CELF2: variants seen among roughly 807,000 people sequenced by gnomAD.
CELF2 encodes the protein CUG triplet repeat RNA-binding protein 2.
Under a neutral mutation model 62.6 loss-of-function variants are expected in CELF2, and 8 were observed. That is an observed-to-expected ratio of 0.13 (90% CI 0.07 to 0.23). CELF2 has a LOEUF of 0.23. CELF2 is among the 10% of genes least tolerant of loss of function. The pLI, the probability that CELF2 is intolerant of heterozygous loss-of-function variation, is 1.00. For missense variants in CELF2, 333 were observed against 671.0 expected (o/e 0.50, Z 5.56); for synonymous variants, 258 against 250.0 (o/e 1.03, Z -0.30).
intron 2 of CELF2, among the ~76,000 whole-genome samples, chr10:10,926,608 C>T (rs531765654): frequency 7.2e-4 from 110 of 152,318 alleles, no homozygotes; most frequent in Non-Finnish European, 1.5e-3. Context: ...ACAGCAACTC[C>T]AGCCGTCACG....
chr10:11,161,850 A>T (rs1244432282), intron 1 of CELF2, among the ~76,000 whole-genome samples: 1 of 152,176 alleles, frequency 6.6e-6, no homozygotes, highest in Non-Finnish European at 1.5e-5. Context: ...CTCTTTGAAG[A>T]GCACATTGGC....
At chr10:11,058,983 A>G (rs1004644443) in intron 1 of CELF2, among the ~76,000 whole-genome samples, 3 of 152,120 alleles carry the variant, frequency 2.0e-5, no homozygotes, top group Admixed American at 2.0e-4. Flanking sequence ...GGGTTTCGCC[A>G]TCTTGCGTAG....
chr10:10,610,631 G>C, the CELF2 span, among the ~76,000 whole-genome samples: 1 of 152,100 alleles, frequency 6.6e-6, no homozygotes, highest in Non-Finnish European at 1.5e-5. Flanking sequence ...AAGAAAGCGG[G>C]TTTTCTTTAA....
chr10:10,819,212 C>T (rs1022923467), intron 1 of CELF2, among the ~76,000 whole-genome samples: 2 of 151,942 alleles, frequency 1.3e-5, no homozygotes, highest in Non-Finnish European at 2.9e-5. Context: ...CAAAGTTATC[C>T]TTGCTTTAAT....
At chr10:11,155,902 G>A (rs7096989) in intron 1 of CELF2, among the ~76,000 whole-genome samples, 2,453 of 152,282 alleles carry the variant, frequency 0.016, 56 homozygotes, top group African/African-American at 0.056. Context: ...ACTGAGAAAG[G>A]TAGCCCAAAA....
chr10:11,268,966 T>C lies in CELF2; in HGVS notation c.619-1700T>C, dbSNP rs574369755. ...TGTGTTTCATGGTTTAAAAAATCAT[T>C]TTTAAGCTATAATCATTGGCCTAAT... On this transcript the variant is annotated intron_variant, in intron 6 of 12. Coordinates refer to ENST00000633077, the MANE Select transcript of CELF2 (RefSeq NM_001326342.2). This position sits in a 1 kb window ranked among gnomAD's most constrained non-coding sequence, Gnocchi z 4.7. Among the ~76,000 whole-genome samples, 1 of 152,360 alleles carries C rather than the reference T, an allele frequency of 6.6e-6. No homozygotes were observed. Among genetic ancestry groups the C allele is most frequent in the East Asian group, 1.9e-4 (1 of 5,186 alleles).
At chr10:11,070,967 A>G (rs1476903545) in intron 1 of CELF2, among the ~76,000 whole-genome samples, 2 of 152,230 alleles carry the variant, frequency 1.3e-5, no homozygotes, top group Non-Finnish European at 1.5e-5. Context: ...ATGGAAGGTA[A>G]GAAAAGAAGG....
intron 1 of CELF2, among the ~76,000 whole-genome samples, chr10:11,100,854 T>C (rs186292836): frequency 6.6e-6 from 1 of 152,340 alleles, no homozygotes; most frequent in Non-Finnish European, 1.5e-5. Flanking sequence ...ACCAGCTCTC[T>C]GATTTTCTTC....
At chr10:10,991,079 G>A (rs371879914) in intron 2 of CELF2, among the ~76,000 whole-genome samples, 30 of 152,012 alleles carry the variant, frequency 2.0e-4, no homozygotes, top group Non-Finnish European at 3.8e-4. Context: ...AGAGAAAGCC[G>A]AGTTTGGCGG....
intron 1 of CELF2, among the ~76,000 whole-genome samples, chr10:10,842,040 T>C (rs2058718331): frequency 6.6e-6 from 1 of 152,116 alleles, no homozygotes; most frequent in Non-Finnish European, 1.5e-5. Context: ...TATTTCTCAT[T>C]TTTTTCTGAT....
chr10:10,974,220 T>C (rs2051082275), intron 2 of CELF2, among the ~76,000 whole-genome samples: 1 of 152,214 alleles, frequency 6.6e-6, no homozygotes, highest in Non-Finnish European at 1.5e-5. Flanking sequence ...TAAATGGTGG[T>C]TAATATCATT....
rs536046147 is a variant in CELF2, at chr10:11,039,070, C to T, written c.74+20907C>T. On this transcript the variant is annotated intron_variant, in intron 1 of 12. Coordinates refer to ENST00000633077, the MANE Select transcript of CELF2 (RefSeq NM_001326342.2). The surrounding 1 kb of genome is among the most constrained non-coding windows in gnomAD (Gnocchi z 4.1). ...AGTATCCTGGACAAGTGTGCACACGCGCTTGCATCCACACCACTCTCATGG... is the reference window on the plus strand; with the variant it reads ...AGTATCCTGGACAAGTGTGCACACGTGCTTGCATCCACACCACTCTCATGG... 4.3e-4 allele frequency among the ~76,000 whole-genome samples: 66 copies of T among 152,310 alleles called. No homozygotes were observed. Among genetic ancestry groups the T allele is most frequent in the Non-Finnish European group, 8.1e-4 (55 of 68,024 alleles).
the CELF2 span, among the ~76,000 whole-genome samples, chr10:10,609,115 A>G: frequency 6.6e-6 from 1 of 152,170 alleles, no homozygotes; most frequent in African/African-American, 2.4e-5. Context: ...TAGTGTAGGC[A>G]GTCTTAGTGT....
At chr10:10,964,674 G>C (rs1480913369) in intron 2 of CELF2, among the ~76,000 whole-genome samples, 1 of 152,132 alleles carries the variant, frequency 6.6e-6, no homozygotes, top group Non-Finnish European at 1.5e-5. Context: ...GAAAGAATAA[G>C]AAAACAGATT....
At chr10:10,720,121 C>T in the CELF2 span, among the ~76,000 whole-genome samples, 3 of 152,306 alleles carry the variant, frequency 2.0e-5, no homozygotes, top group Non-Finnish European at 4.4e-5. Context: ...ACTGAGTTGT[C>T]GTCAGAAGCG....
At chr10:10,545,407 A>C in the CELF2 span, among the ~76,000 whole-genome samples, 2 of 152,306 alleles carry the variant, frequency 1.3e-5, no homozygotes, top group African/African-American at 4.8e-5. Flanking sequence ...TCTGCCTACA[A>C]TCAAAAGAAA....
the CELF2 span, among the ~76,000 whole-genome samples, chr10:10,760,456 C>T: frequency 1.3e-5 from 2 of 152,180 alleles, no homozygotes; most frequent in South Asian, 2.1e-4. Context: ...TTCATTTATT[C>T]CCTAAATTAT....
chr10:10,507,870 G>A, the CELF2 span, among the ~76,000 whole-genome samples: 1 of 152,140 alleles, frequency 6.6e-6, no homozygotes, highest in African/African-American at 2.4e-5. Flanking sequence ...AATATTGAAA[G>A]CCCTCAAATT....
the CELF2 span, among the ~76,000 whole-genome samples, chr10:10,771,761 T>C: frequency 6.6e-6 from 1 of 152,330 alleles, no homozygotes; most frequent in East Asian, 1.9e-4. Flanking sequence ...AAGTGGAAAC[T>C]ATAAGTCCAA....
Sources: gnomAD v4.1 joint callset for allele counts (sites outside exome capture counted in the v4.1 genomes callset) on GRCh38, gnomAD v4.1.1 for gene constraint, Gnocchi (gnomAD v3.1) non-coding constraint, MANE v1.5 for transcripts, NCBI Gene and HGNC (gene_info 2026-07-23, HGNC 2026-07-21) for gene names.